Variants in BMPR1B observed in about 807,000 individuals in gnomAD.
BMPR1B encodes bone morphogenetic protein receptor type-1B.
In BMPR1B, 12 loss-of-function variants were observed where a neutral mutation model predicts 59.1. That is an observed-to-expected ratio of 0.20 (90% confidence interval 0.13 to 0.33). BMPR1B has a LOEUF of 0.33. Ranked by LOEUF, BMPR1B falls within the 10% of genes least tolerant of loss-of-function variation. The pLI, the probability that BMPR1B is intolerant of heterozygous loss-of-function variation, is 1.00. For missense variants in BMPR1B, 550 were observed against 610.9 expected (o/e 0.90, Z 1.05); for synonymous variants, 237 against 207.3 (o/e 1.14, Z -1.23).
intron 1 of BMPR1B, among the ~76,000 whole-genome samples, chr4:94,847,156 A>G (rs1375577256): frequency 1.3e-5 from 2 of 152,204 alleles, no homozygotes; most frequent in African/African-American, 4.8e-5. Context: ...CAAAAGACAT[A>G]CAAATGGCAA....
chr4:95,035,155 T>C (rs2149163165), intron 3 of BMPR1B, among the ~76,000 whole-genome samples: 1 of 152,286 alleles, frequency 6.6e-6, no homozygotes, highest in South Asian at 2.1e-4. Context: ...CTGGTTCGAG[T>C]TTCATGTAGA....
At chr4:95,102,336 G>A (rs1005931984) in intron 3 of BMPR1B, among the ~76,000 whole-genome samples, 2 of 152,186 alleles carry the variant, frequency 1.3e-5, no homozygotes, top group Non-Finnish European at 2.9e-5. Context: ...CCACCAGCTG[G>A]TAAATTCTGT....
chr4:94,920,979 C>T lies in BMPR1B; in HGVS notation c.-113+45079C>T, dbSNP rs777446289. On this transcript the variant is annotated intron_variant, in intron 2 of 12. Coordinates refer to ENST00000515059, the MANE Select transcript of BMPR1B (RefSeq NM_001203.3). ...AGTTGTATGCTTATCTTTTTTCTTC[C>T]GAGAAGATTAAGGAAGTATGTTTTT... is the stretch of plus-strand genomic sequence containing the variant. Among the ~76,000 whole-genome samples, 89 of 152,000 alleles carry T rather than the reference C, an allele frequency of 5.9e-4. 2 individuals carry two copies. The highest frequency in any genetic ancestry group is 3.9e-3 in the Admixed American group (60 of 15,272).
At position 95,069,849 on chromosome 4, in the gene BMPR1B, C is replaced by T. The variant is rs778753037; in HGVS notation, c.-17-34559C>T. ...GCGTGATGGCTCACGCCTGTAATCC[C>T]AACACTTTGGGAGGCCAAGGTGGGT... On this transcript the variant is annotated intron_variant, in intron 3 of 12. Transcript: ENST00000515059. Among the ~76,000 whole-genome samples the T allele has an allele frequency of 3.3e-5, 5 of 152,306 alleles. No homozygotes were observed. In the Middle Eastern group the frequency reaches 0.014, roughly 414 times the overall value.
chr4:94,885,786 C>T (rs1727149890), intron 2 of BMPR1B, among the ~76,000 whole-genome samples: 1 of 152,016 alleles, frequency 6.6e-6, no homozygotes, highest in African/African-American at 2.4e-5. Flanking sequence ...TGGAAAGATA[C>T]TAAGCTAAAT....
At chr4:94,832,755 C>T (rs955527516) in intron 1 of BMPR1B, among the ~76,000 whole-genome samples, 3 of 152,122 alleles carry the variant, frequency 2.0e-5, no homozygotes, top group Non-Finnish European at 4.4e-5. Context: ...TGCACTACAG[C>T]CTGGGCAACA....
At chr4:95,086,099 A>T (rs1729552850) in intron 3 of BMPR1B, among the ~76,000 whole-genome samples, 1 of 152,146 alleles carries the variant, frequency 6.6e-6, no homozygotes. Flanking sequence ...AACTGATATG[A>T]TTATTCTGGA....
At position 95,104,546 on chromosome 4, in the gene BMPR1B, A is replaced by G; in HGVS notation, c.122A>G (p.Asp41Gly). 6.2e-7 allele frequency: 1 copy of G among 1,613,402 alleles called. No homozygotes were observed. Among genetic ancestry groups the G allele is most frequent in the Non-Finnish European group, 8.5e-7 (1 of 1,179,560 alleles). ...AAATGCCACCACCATTGTCCAGAAG[A>G]CTCAGTCAACAATATTTGCAGGTTG... ...RCKCHHHCPE[D>G]SVNNICSTDG... Residue 41 changes from aspartate to glycine, a missense_variant, in exon 4 of 13, where the codon GAC becomes GGC. Transcript: ENST00000515059.
At chr4:95,149,139 T>C (rs995204312) in intron 11 of BMPR1B, among the ~76,000 whole-genome samples, 3 of 152,214 alleles carry the variant, frequency 2.0e-5, no homozygotes, top group African/African-American at 4.8e-5. Context: ...CTAGACACAC[T>C]GTCAGCCTAC....
chr4:95,004,582 T>C (rs1722689196), intron 3 of BMPR1B, among the ~76,000 whole-genome samples: 1 of 152,230 alleles, frequency 6.6e-6, no homozygotes, highest in East Asian at 1.9e-4. Context: ...AATTCAGTTA[T>C]GGTTTTATAT....
chr4:94,998,437 G>A (rs903087075), intron 3 of BMPR1B, among the ~76,000 whole-genome samples: 11 of 150,306 alleles, frequency 7.3e-5, no homozygotes, highest in African/African-American at 2.7e-4. Flanking sequence ...GCAATGGCGC[G>A]ATCTTAGCTC....
intron 1 of BMPR1B, among the ~76,000 whole-genome samples, chr4:94,874,299 A>G (rs1000428077): frequency 3.9e-5 from 6 of 152,072 alleles, no homozygotes; most frequent in South Asian, 4.1e-4. Flanking sequence ...TCTGCTTTCA[A>G]TTCTTTGGAT....
At chr4:94,832,323 C>T (rs1482432245) in intron 1 of BMPR1B, among the ~76,000 whole-genome samples, 1 of 152,176 alleles carries the variant, frequency 6.6e-6, no homozygotes, top group Non-Finnish European at 1.5e-5. Context: ...TGACATTTCT[C>T]AGAACCTATT....
intron 2 of BMPR1B, among the ~76,000 whole-genome samples, chr4:94,970,384 C>T (rs545228126): frequency 9.2e-5 from 14 of 151,790 alleles, no homozygotes; most frequent in African/African-American, 2.2e-4. Context: ...GGCACGATCT[C>T]GGCTCACTGC....
intron 2 of BMPR1B, among the ~76,000 whole-genome samples, chr4:94,886,466 C>T (rs1436879187): frequency 6.6e-6 from 1 of 152,126 alleles, no homozygotes; most frequent in Non-Finnish European, 1.5e-5. Context: ...TCTACAAATA[C>T]TGCACTTGAT....
chr4:94,857,591 A>G (rs938591406), intron 1 of BMPR1B, among the ~76,000 whole-genome samples: 1 of 152,226 alleles, frequency 6.6e-6, no homozygotes, highest in African/African-American at 2.4e-5. Flanking sequence ...GCTAGAAGCT[A>G]ACAGATGAAC....
rs571589345 is a variant in BMPR1B at position 94,904,687 on chromosome 4, T to C, written c.-113+28787T>C. Among the ~76,000 whole-genome samples the C allele has an allele frequency of 1.2e-4, 18 of 152,170 alleles. No homozygotes were observed. In the East Asian group the frequency reaches 3.5e-3, roughly 29 times the overall value. ...ACATAATTTTCTGTGGTAGCAATTG[T>C]GGAGGTAAGTTCTCTGAGGTTTTAA... On this transcript the variant is annotated intron_variant, in intron 2 of 12. Transcript: ENST00000515059.
intron 3 of BMPR1B, among the ~76,000 whole-genome samples, chr4:94,998,743 C>T (rs2149106405): frequency 6.6e-6 from 1 of 152,160 alleles, no homozygotes; most frequent in Admixed American, 6.5e-5. Context: ...AAAACCCTCC[C>T]ATCCCTGTCT....
At chr4:95,013,556 T>C (rs1723368374) in intron 3 of BMPR1B, among the ~76,000 whole-genome samples, 1 of 152,316 alleles carries the variant, frequency 6.6e-6, no homozygotes, top group Non-Finnish European at 1.5e-5. Flanking sequence ...AGTCATTGTT[T>C]TCTGTATATA....
Sources: gnomAD v4.1 joint callset for allele counts (sites outside exome capture counted in the v4.1 genomes callset) on GRCh38, gnomAD v4.1.1 for gene constraint, MANE v1.5 for transcripts, NCBI Gene and HGNC (gene_info 2026-07-23, HGNC 2026-07-21) for gene names.